SERPINB8: variants seen among roughly 807,000 people sequenced by gnomAD.
SERPINB8 encodes the protein serpin B8.
A neutral mutation model predicts 35.3 loss-of-function variants in SERPINB8; 25 were observed. The observed-to-expected ratio is 0.71, with a 90% confidence interval of 0.52 to 0.99. SERPINB8 has a LOEUF of 0.99. Ranked by LOEUF, SERPINB8 falls within the 50% of genes least tolerant of loss-of-function variation. SERPINB8 has a pLI of 0.00. For missense variants in SERPINB8, 484 were observed against 446.5 expected, an observed-to-expected ratio of 1.08 and a Z score of -0.76; for synonymous variants, 186 against 160.8, an observed-to-expected ratio of 1.16 and a Z score of -1.19.
intron 1 of SERPINB8, among the ~76,000 whole-genome samples, chr18:64,000,412 C>A (rs1479628742): frequency 6.6e-6 from 1 of 152,164 alleles, no homozygotes; most frequent in Non-Finnish European, 1.5e-5. Flanking sequence ...TTGAAGAGTA[C>A]AACTTCAGGA....
In SERPINB8 at chr18:63,988,579, C is replaced by T. The variant is rs915560103; in HGVS notation, c.*1301C>T. ...AGAAAGTTACACTGGTTTGTACTCT[C>T]ACTTATGTCACTGTTTATACCACCA... On this transcript the variant is annotated 3_prime_UTR_variant, in exon 7 of 7. Coordinates refer to ENST00000397985, the MANE Select transcript of SERPINB8 (RefSeq NM_002640.4). 1 of 152,184 alleles carries T rather than the reference C, an allele frequency of 6.6e-6. No homozygotes were observed. Among genetic ancestry groups the T allele is most frequent in the Non-Finnish European group, 1.5e-5 (1 of 68,028 alleles). The allele number at this position is 152,184 out of a possible 1,614,324, so 9.4% of individuals were successfully genotyped here. A position where few individuals can be genotyped will look rare whatever the true frequency, so the allele number is the denominator to read the frequency against.
chr18:63,996,347 G>A (rs2050849283), intron 1 of SERPINB8, among the ~76,000 whole-genome samples: 6 of 152,150 alleles, frequency 3.9e-5, no homozygotes, highest in Admixed American at 2.0e-4. Flanking sequence ...TCAAGCCTGT[G>A]GTGCCATTCT....
chr18:64,007,482 A>G (rs1351263177), downstream of SERPINB8, among the ~76,000 whole-genome samples: 1 of 152,228 alleles, frequency 6.6e-6, no homozygotes, highest in Non-Finnish European at 1.5e-5. Context: ...AATTTTATAA[A>G]GCTAATATAA....
Position 63,997,591 on chromosome 18 carries a change from A to C in SERPINB8, c.71-7228A>C, listed in dbSNP as rs150153302. Among the ~76,000 whole-genome samples the C allele has an allele frequency of 7.9e-4, 121 of 152,350 alleles. 1 individual carries two copies. The highest frequency in any genetic ancestry group is 2.9e-3 in the African/African-American group (119 of 41,580). ...CTGTCATACAACCTGAGATAGATCT[A>C]TCCCTTGGCAAGTTCAGCATAAATG... On this transcript the variant is annotated intron_variant, in intron 1 of 1. Transcript: ENST00000493661.
intron 1 of SERPINB8, among the ~76,000 whole-genome samples, chr18:63,996,674 G>C (rs759780955): frequency 6.6e-6 from 1 of 152,162 alleles, no homozygotes; most frequent in African/African-American, 2.4e-5. Context: ...GCCAAATAAG[G>C]ACTAGGTGCT....
At chr18:63,992,154 A>C (rs185654610), downstream of SERPINB8, among the ~76,000 whole-genome samples, 158 of 152,314 alleles carry the variant, frequency 1.0e-3, no homozygotes, top group Non-Finnish European at 1.9e-3. Context: ...TCAAAGAATG[A>C]GTTGAGAAAC....
chr18:63,998,677 T>C (rs954037686), intron 1 of SERPINB8, among the ~76,000 whole-genome samples: 12 of 152,208 alleles, frequency 7.9e-5, no homozygotes, highest in Admixed American at 6.5e-5. Flanking sequence ...TGGTGGATCA[T>C]GCAAGTTCCC....
intron 2 of SERPINB8, among the ~76,000 whole-genome samples, chr18:63,979,509 G>C (rs561137419): frequency 6.6e-6 from 1 of 152,098 alleles, no homozygotes; most frequent in Non-Finnish European, 1.5e-5. Flanking sequence ...GGACCCTTGC[G>C]AAGACCTGGA....
At chr18:63,986,195 G>A (rs1328752327) in intron 6 of SERPINB8, 2 of 1,507,874 alleles carry the variant, frequency 1.3e-6, no homozygotes, top group Non-Finnish European at 1.8e-6. Context: ...GTTGTTAAAG[G>A]GAAGGGGAGA....
At chr18:63,974,242 C>T (rs1474597464) in intron 1 of SERPINB8, among the ~76,000 whole-genome samples, 1 of 152,130 alleles carries the variant, frequency 6.6e-6, no homozygotes, top group Non-Finnish European at 1.5e-5. Context: ...TACGCATTTC[C>T]ATATGTGTGT....
At chr18:63,999,666 C>A (rs57770072) in intron 1 of SERPINB8, among the ~76,000 whole-genome samples, 3,690 of 152,240 alleles carry the variant, frequency 0.024, 149 homozygotes, top group African/African-American at 0.084. Flanking sequence ...TTAGAGTATT[C>A]TTTCTTTTCT....
chr18:63,971,857 A>G (rs2050487391), intron 1 of SERPINB8, among the ~76,000 whole-genome samples: 2 of 152,156 alleles, frequency 1.3e-5, no homozygotes, highest in South Asian at 2.1e-4. Flanking sequence ...ACAGGAAACC[A>G]TAGAAACCCA....
intron 1 of SERPINB8, chr18:64,004,694 A>C (rs2050891732): frequency 5.1e-6 from 2 of 395,306 alleles, no homozygotes; most frequent in South Asian, 2.8e-4. Context: ...ATTTACATTC[A>C]TTTTATCTAG....
At chr18:64,010,210 C>G (rs75568089), downstream of SERPINB8, among the ~76,000 whole-genome samples, 3 of 151,982 alleles carry the variant, frequency 2.0e-5, no homozygotes, top group Non-Finnish European at 4.4e-5. Flanking sequence ...TAAGAGAAAA[C>G]AAACTAAAAT....
downstream of SERPINB8, among the ~76,000 whole-genome samples, chr18:64,008,390 C>G (rs1044780245): frequency 6.6e-6 from 1 of 152,002 alleles, no homozygotes; most frequent in Non-Finnish European, 1.5e-5. Context: ...TTACAGGCCC[C>G]TGCCACCACG....
chr18:64,012,477 C>T (rs539534069), intron 7 of SERPINB8, among the ~76,000 whole-genome samples: 10 of 151,922 alleles, frequency 6.6e-5, no homozygotes, highest in African/African-American at 4.8e-5. Flanking sequence ...AACTTTTTCT[C>T]GTAGCTCTTC....
At chr18:64,002,035 A>G (rs2050877778) in intron 1 of SERPINB8, among the ~76,000 whole-genome samples, 1 of 152,106 alleles carries the variant, frequency 6.6e-6, no homozygotes, top group South Asian at 2.1e-4. Flanking sequence ...GCAGTGAGTG[A>G]GGGAGAATGT....
At chr18:63,975,947 T>A (rs978679943) in intron 1 of SERPINB8, among the ~76,000 whole-genome samples, 7 of 152,226 alleles carry the variant, frequency 4.6e-5, no homozygotes, top group African/African-American at 1.4e-4. Flanking sequence ...TCAGAGCTGC[T>A]GCAACAGGCA....
downstream of SERPINB8, among the ~76,000 whole-genome samples, chr18:63,991,058 A>G (rs958066475): frequency 6.6e-6 from 1 of 152,196 alleles, no homozygotes; most frequent in Non-Finnish European, 1.5e-5. Flanking sequence ...TCTGGATTCT[A>G]TTGGATTCCA....
Sources: gnomAD v4.1 joint callset for allele counts (sites outside exome capture counted in the v4.1 genomes callset) on GRCh38, gnomAD v4.1.1 for gene constraint, MANE v1.5 for transcripts, NCBI Gene and HGNC (gene_info 2026-07-23, HGNC 2026-07-21) for gene names.